The following CENPE variants were observed in gnomAD, a reference collection of about 807,000 sequenced individuals.
The protein encoded by CENPE is centromere-associated protein E.
In CENPE, 145 loss-of-function variants were observed where a neutral mutation model predicts 336.1. The observed-to-expected ratio is 0.43, with a 90% CI of 0.38 to 0.50. CENPE has a LOEUF of 0.50. Among genes scored for constraint, CENPE ranks in the 20% least tolerant of loss-of-function variants. The pLI, the probability that CENPE is intolerant of heterozygous loss-of-function variation, is 0.00. For synonymous variants in CENPE, 1,013 were observed against 984.8 expected, an observed-to-expected ratio of 1.03 and a Z score of -0.54; for missense variants, 2,719 against 3,023.3, an observed-to-expected ratio of 0.90 and a Z score of 2.36.
chr4:103,133,177 C>T (rs1751765846), intron 41 of CENPE, among the ~76,000 whole-genome samples: 1 of 151,756 alleles, frequency 6.6e-6, no homozygotes. Flanking sequence ...GTCAAAATGA[C>T]AAATTTGTGA....
rs1578629402 is a variant in CENPE at position 103,158,525 on chromosome 4, C to T, written c.2875-67G>A. Reference sequence around the variant, plus strand: ...AAACAAAATTATTTTGTAGCTACTACATAACATAATCATAAATAATAAATG... The same window carrying T: ...AAACAAAATTATTTTGTAGCTACTATATAACATAATCATAAATAATAAATG... On this transcript the variant is annotated intron_variant, in intron 23 of 48. Coordinates refer to ENST00000265148, the MANE Select transcript of CENPE (RefSeq NM_001813.3). 4.6e-6 allele frequency: 7 copies of T among 1,507,028 alleles called. No individual in the cohort carries two copies. The East Asian group carries it at 6.8e-5, about 15-fold the overall frequency. 93.4% of individuals were successfully genotyped at this position (1,507,028 alleles called of 1,614,324 possible).
intron 45 of CENPE, 120 bp from the exon 46 acceptor site, chr4:103,114,672 A>T (rs1749924098): frequency 6.1e-6 from 4 of 654,760 alleles, no homozygotes. Flanking sequence ...TGTAAGTGGC[A>T]GTAGATAAGC....
intron 8 of CENPE, among the ~76,000 whole-genome samples, chr4:103,193,826 C>A (rs958336520): frequency 6.6e-6 from 1 of 151,954 alleles, no homozygotes; most frequent in South Asian, 2.1e-4. Context: ...TTTTAACCAT[C>A]CAACCTAGAT....
intron 42 of CENPE, among the ~76,000 whole-genome samples, chr4:103,125,235 T>G (rs1750987486): frequency 3.9e-5 from 6 of 152,216 alleles, no homozygotes; most frequent in Admixed American, 2.6e-4. Context: ...AGAAAAGAAC[T>G]ATCCAAACAT....
At chr4:103,194,323 A>C in intron 7 of CENPE, 29 bp from the exon 8 acceptor site, 1 of 1,610,750 alleles carries the variant, frequency 6.2e-7, no homozygotes, top group Non-Finnish European at 8.5e-7. Context: ...CTGTAGAAAA[A>C]TTAGTGCATT....
chr4:103,141,878 C>T lies in CENPE; in HGVS notation c.5335G>A (p.Ala1779Thr). Residue 1779 changes from alanine to threonine, a missense_variant, in exon 35 of 49, where the codon GCT becomes ACT. This residue lies in a region of CENPE where 2,437 missense variants were observed against 2,513.3 expected (regional missense o/e 0.97). Transcript: ENST00000265148. The stretch of plus-strand genomic sequence containing the variant: ...TGCTGCTCTTTCAGATGCATGTGAG[C>T]AATTCTTAGTTCCTCTTGTATTTTC... ...DLKIQEELRI[A>T]HMHLKEQQET... 2 of 1,602,942 alleles carry T rather than the reference C, an allele frequency of 1.2e-6. No individual in the cohort carries two copies. The highest frequency in any genetic ancestry group is 1.1e-5 in the South Asian group (1 of 89,124).
intron 8 of CENPE, among the ~76,000 whole-genome samples, chr4:103,187,410 T>C (rs913582544): frequency 6.6e-6 from 1 of 152,154 alleles, no homozygotes; most frequent in Non-Finnish European, 1.5e-5. Flanking sequence ...AAGGTCAGGC[T>C]ACCCACAAAG....
At chr4:103,149,608 T>A (rs984384972) in intron 26 of CENPE, among the ~76,000 whole-genome samples, 200 bp from the exon 27 acceptor site, 1 of 152,186 alleles carries the variant, frequency 6.6e-6, no homozygotes, top group African/African-American at 2.4e-5. Flanking sequence ...AACCTCAGAA[T>A]GTGAACTTAT....
At chr4:103,194,478 T>C (rs760232462) in intron 6 of CENPE, 37 bp from the exon 7 acceptor site, 1 of 1,501,010 alleles carries the variant, frequency 6.7e-7, no homozygotes, top group Non-Finnish European at 9.1e-7. Context: ...GCATATATAA[T>C]AAAATCCATA....
At chr4:103,168,090 C>T (rs1466067997) in intron 16 of CENPE, among the ~76,000 whole-genome samples, 4 of 152,024 alleles carry the variant, frequency 2.6e-5, no homozygotes, top group Admixed American at 6.6e-5. Context: ...TGGCTCCAGC[C>T]CTCCCCTGCT....
intron 44 of CENPE, among the ~76,000 whole-genome samples, chr4:103,119,766 C>T (rs1041507210): frequency 2.0e-5 from 3 of 152,022 alleles, no homozygotes; most frequent in African/African-American, 7.3e-5. Flanking sequence ...AGGTCAGATT[C>T]AGCCCATGGG....
Position 103,138,443 on chromosome 4 carries a change from G to C in CENPE, c.6211C>G (p.Gln2071Glu). The C allele has an allele frequency of 6.2e-7, 1 of 1,612,082 alleles. No homozygotes were observed. The highest frequency in any genetic ancestry group is 8.5e-7 in the Non-Finnish European group (1 of 1,178,244). Residue 2071 changes from glutamine to glutamate, a missense_variant, in exon 39 of 49, where the codon CAG becomes GAG. Around this residue, in one of 5 missense-constraint regions of CENPE, gnomAD observed 2,437 missense variants for 2,513.3 expected, o/e 0.97. Coordinates refer to ENST00000265148, the MANE Select transcript of CENPE (RefSeq NM_001813.3). ...TLREMIARDRQNHQVKPEKRL... is the reference protein window; with the variant it reads ...TLREMIARDRENHQVKPEKRL... ...TTTTCAGGTTTTACTTGGTGGTTCT[G>C]TCGGTCCTGCTTTGGTAAAAAGAAA... is the stretch of plus-strand genomic sequence containing the variant.
intron 48 of CENPE, 128 bp from the exon 49 acceptor site, chr4:103,106,444 CGTGTTTGGTCATGAAGATG>C: frequency 1.8e-6 from 1 of 547,970 alleles, no homozygotes; most frequent in South Asian, 4.0e-5. Flanking sequence ...CGTGATTCAC[CGTGTTTGGTCATGAAGATG>C]GTGTATTTCA....
intron 11 of CENPE, chr4:103,182,084 T>A (rs1387266962): frequency 1.4e-5 from 2 of 144,294 alleles, no homozygotes. Flanking sequence ...TTCCTTTCCT[T>A]TTTTTTTTTT....
chr4:103,182,964 C>A, intron 10 of CENPE, 73 bp from the exon 11 acceptor site: 2 of 1,437,488 alleles, frequency 1.4e-6, no homozygotes, highest in South Asian at 1.3e-5. Context: ...GTTTTTAATG[C>A]AGAACTCTTA....
At chr4:103,157,453 C>A (rs765012159) in intron 24 of CENPE, among the ~76,000 whole-genome samples, 2 of 151,932 alleles carry the variant, frequency 1.3e-5, no homozygotes, top group African/African-American at 2.4e-5. Context: ...TGGATGAAGA[C>A]ATTATGCAAA....
intron 26 of CENPE, among the ~76,000 whole-genome samples, 171 bp from the exon 27 acceptor site, chr4:103,149,579 A>C (rs757787061): frequency 1.6e-4 from 24 of 152,208 alleles, no homozygotes; most frequent in Admixed American, 5.9e-4. Flanking sequence ...TGTCCCACCC[A>C]AAATTCATGT....
At chr4:103,162,365 G>T (rs1754522075) in intron 18 of CENPE, among the ~76,000 whole-genome samples, 1 of 151,854 alleles carries the variant, frequency 6.6e-6, no homozygotes, top group Non-Finnish European at 1.5e-5. Context: ...AAGTAATCAG[G>T]TATACTGAAA....
chr4:103,182,710 T>C (rs1423612991), intron 11 of CENPE, 52 bp downstream of exon 11: 1 of 1,456,888 alleles, frequency 6.9e-7, no homozygotes, highest in Non-Finnish European at 9.2e-7. Flanking sequence ...TAATGTTTTC[T>C]TCTTCAAGCT....
Sources: gnomAD v4.1 joint callset for allele counts (sites outside exome capture counted in the v4.1 genomes callset) on GRCh38, gnomAD v4.1.1 for gene constraint, gnomAD v4.1.1 regional missense constraint, MANE v1.5 for transcripts, NCBI Gene and HGNC (gene_info 2026-07-23, HGNC 2026-07-21) for gene names.